Variants in C2orf68 observed in about 807,000 individuals in gnomAD.
C2orf68 encodes UPF0561 protein C2orf68.
Under a neutral mutation model 19.1 loss-of-function variants are expected in C2orf68, and 15 were observed. The observed-to-expected ratio is 0.79, with a 90% CI of 0.53 to 1.21. The LOEUF is 1.21. Ranked by LOEUF, C2orf68 falls within the 50% of genes most tolerant of loss-of-function variation. The probability of loss-of-function intolerance (pLI) is 0.00; values close to 1 mark genes in which losing one functional copy is unlikely to be tolerated. For synonymous variants in C2orf68, 98 were observed against 91.0 expected (o/e 1.08, Z -0.44); for missense variants, 242 against 226.6 (o/e 1.07, Z -0.44).
chr2:85,609,174 T>G, intron 3 of C2orf68, 107 bp from the exon 4 acceptor site: 1 of 1,456,718 alleles, frequency 6.9e-7, no homozygotes, highest in Admixed American at 2.2e-5. Flanking sequence ...CAAGGCTTTT[T>G]GCCAGCACCT....
chr2:85,609,146 A>C, intron 3 of C2orf68, 79 bp from the exon 4 acceptor site: 1 of 1,558,248 alleles, frequency 6.4e-7, no homozygotes, highest in Non-Finnish European at 8.7e-7. Flanking sequence ...AAACACTCTC[A>C]CAGAACTCCA....
chr2:85,609,161 G>A lies in C2orf68; in HGVS notation c.379-94C>T, dbSNP rs775330307. On this transcript the variant is annotated intron_variant, in intron 3 of 3. Coordinates refer to ENST00000306336, the MANE Select transcript of C2orf68 (RefSeq NM_001013649.4). ...AAACACTCTCACAGAACTCCATTTA[G>A]CTCAAGGCTTTTTGCCAGCACCTGT... 7.7e-4 allele frequency: 1,171 copies of A among 1,518,086 alleles called. 2 individuals carry two copies. The highest frequency in any genetic ancestry group is 3.2e-3 in the Middle Eastern group (16 of 4,944). The allele number at this position is 1,518,086 out of a possible 1,614,324, so 94.0% of individuals were successfully genotyped here. A position where few individuals can be genotyped will look rare whatever the true frequency, so the allele number is the denominator to read the frequency against.
At chr2:85,610,213 C>A (rs1314923808) in intron 2 of C2orf68, 1 of 152,110 alleles carries the variant, frequency 6.6e-6, no homozygotes, top group Non-Finnish European at 1.5e-5. Context: ...TGGGGTTTCA[C>A]CATGTTGTCC....
chr2:85,609,362 G>A (rs1312661674), intron 3 of C2orf68, 73 bp downstream of exon 3: 1 of 1,557,262 alleles, frequency 6.4e-7, no homozygotes, highest in African/African-American at 1.4e-5. Context: ...GAGGAAAACA[G>A]GGCTCAGGGT....
intron 2 of C2orf68, chr2:85,610,803 G>C (rs895661169): frequency 1.3e-5 from 2 of 148,754 alleles, no homozygotes; most frequent in Non-Finnish European, 3.0e-5. Context: ...GTGTTGCCCA[G>C]GCTGGAGTGC....
In C2orf68 at chr2:85,611,579, G is replaced by A. The variant is rs533742631; in HGVS notation, c.226+89C>T. 5 of 1,551,406 alleles carry A rather than the reference G, an allele frequency of 3.2e-6. No individual in the cohort carries two copies. The Admixed American group carries it at 9.8e-5, about 30-fold the overall frequency. On this transcript the variant is annotated intron_variant, in intron 2 of 3. Coordinates refer to ENST00000306336, the MANE Select transcript of C2orf68 (RefSeq NM_001013649.4). ...AGAGACGAGATGAGCTGAACCTTAG[G>A]AGTAAGAAGTGGTTTTTCCCTATAG...
chr2:85,611,811 G>C, intron 1 of C2orf68, 25 bp from the exon 2 acceptor site: 1 of 1,608,998 alleles, frequency 6.2e-7, no homozygotes, highest in Non-Finnish European at 8.5e-7. Flanking sequence ...GCGGGAGTCA[G>C]GGACTGTCGG....
chr2:85,609,439 T>G lies in C2orf68; in HGVS notation c.374A>C (p.Tyr125Ser), dbSNP rs772937056. 1.2e-6 allele frequency: 2 copies of G among 1,614,146 alleles called. No individual in the cohort carries two copies. The highest frequency in any genetic ancestry group is 1.7e-6 in the Non-Finnish European group (2 of 1,179,986). ...AGCTGTTTCCACCAGGCGTACCTGATAGACGATAACTGATGTGACCTCTCC... is the reference window on the plus strand; with the variant it reads ...AGCTGTTTCCACCAGGCGTACCTGAGAGACGATAACTGATGTGACCTCTCC... ...DSGEVTSVIV[Y>S]QGDDPGKVSE... Residue 125 changes from tyrosine (Y) to serine (S), a missense_variant, in exon 3 of 4, where the codon TAT becomes TCT. Coordinates refer to ENST00000306336, the MANE Select transcript of C2orf68 (RefSeq NM_001013649.4).
intron 2 of C2orf68, 195 bp downstream of exon 2, chr2:85,611,473 C>A: frequency 6.5e-7 from 1 of 1,548,508 alleles, no homozygotes; most frequent in Non-Finnish European, 8.7e-7. Context: ...CGATGCTTAA[C>A]TGGGGGCTTA....
At position 85,612,007 on chromosome 2, in the gene C2orf68, G is replaced by T. The variant is rs1363181211; in HGVS notation, c.-23C>A. 1 of 1,476,614 alleles carries T rather than the reference G, an allele frequency of 6.8e-7. No individual in the cohort carries two copies. Among genetic ancestry groups the T allele is most frequent in the Admixed American group, 2.5e-5 (1 of 40,292 alleles). 91.5% of individuals were successfully genotyped at this position (1,476,614 alleles called of 1,614,324 possible). A position where few individuals can be genotyped will look rare whatever the true frequency, so the allele number is the denominator to read the frequency against. On this transcript the variant is annotated 5_prime_UTR_variant, in exon 1 of 4. Transcript: ENST00000306336. ...CATCAGGAGCCGGGGACGCAGAGTC[G>T]CCGCCGCCTCGACGGCCCCAACAAC...
chr2:85,609,100 C>T (rs1673338287), intron 3 of C2orf68, 33 bp from the exon 4 acceptor site: 1 of 1,609,390 alleles, frequency 6.2e-7, no homozygotes, highest in African/African-American at 1.3e-5. Context: ...GGCTCAGGGC[C>T]TGGCCTCTTC....
At position 85,608,127 on chromosome 2, in the gene C2orf68, A is replaced by G. The variant is rs567828986; in HGVS notation, c.*818T>C. ...ACAGTCTGTTCACGGCTAGGAATCA[A>G]GTTGAAAGTTGGAATTCTGTAGCCC... On this transcript the variant is annotated 3_prime_UTR_variant, in exon 4 of 4. Coordinates refer to ENST00000306336, the MANE Select transcript of C2orf68 (RefSeq NM_001013649.4). 6.6e-6 allele frequency: 1 copy of G among 152,296 alleles called. No homozygotes were observed. Among genetic ancestry groups the G allele is most frequent in the Admixed American group, 6.5e-5 (1 of 15,288 alleles). The allele number at this position is 152,296 out of a possible 1,614,324, so 9.4% of individuals were successfully genotyped here. A position where few individuals can be genotyped will look rare whatever the true frequency, so the allele number is the denominator to read the frequency against.
At chr2:85,611,247 C>T in intron 2 of C2orf68, 1 of 1,347,270 alleles carries the variant, frequency 7.4e-7, no homozygotes, top group Non-Finnish European at 9.5e-7. Context: ...TAATGCTTAA[C>T]AAAAATTGAC....
rs1673576640 is a variant in C2orf68, at chr2:85,611,962, C to T, written c.23G>A (p.Arg8Gln). MEAGPHP[R>Q]PGHCCKPGGR... ...CCCAGGCTTGCAGCAGTGCCCCGGC[C>T]GGGGATGCGGCCCCGCCTCCATCAG... Residue 8 changes from arginine (R) to glutamine (Q), a missense_variant, in exon 1 of 4, where the codon CGG becomes CAG. Transcript: ENST00000306336. The T allele has an allele frequency of 2.6e-6, 4 of 1,536,778 alleles. No homozygotes were observed. The highest frequency in any genetic ancestry group is 2.6e-6 in the Non-Finnish European group (3 of 1,153,386).
rs781319913 is a variant in C2orf68, at chr2:85,611,827, G to A, written c.108-41C>T. On this transcript the variant is annotated intron_variant, in intron 1 of 3. Transcript: ENST00000306336. ...CGGGAGTCAGGGACTGTCGGGCCGG[G>A]CCAGGCCAGGCCAGGAGTGGTGGCG... 28 of 1,605,288 alleles carry A rather than the reference G, an allele frequency of 1.7e-5. 1 individual carries two copies. The East Asian group carries it at 5.6e-4, about 32-fold the overall frequency.
intron 3 of C2orf68, 27 bp from the exon 4 acceptor site, chr2:85,609,094 C>T (rs140476145): frequency 3.1e-6 from 5 of 1,612,514 alleles, no homozygotes; most frequent in South Asian, 1.1e-5. Flanking sequence ...TCAGAAGGCT[C>T]AGGGCCTGGC....
Position 85,607,321 on chromosome 2 carries a change from A to G in C2orf68, c.*1624T>C, listed in dbSNP as rs532901682. 20 of 152,302 alleles carry G rather than the reference A, an allele frequency of 1.3e-4. No individual in the cohort carries two copies. The highest frequency in any genetic ancestry group is 4.6e-4 in the African/African-American group (19 of 41,540). The allele number at this position is 152,302 out of a possible 1,614,324, so 9.4% of individuals were successfully genotyped here. On this transcript the variant is annotated 3_prime_UTR_variant, in exon 4 of 4. Coordinates refer to ENST00000306336, the MANE Select transcript of C2orf68 (RefSeq NM_001013649.4). ...GGTGGAGTTTGGGAGAGCCTTCTTG[A>G]CCCAGGAGGCTTTGGAGGGTAGTTA...
rs932771779 is a variant in C2orf68, at chr2:85,607,389, A to T, written c.*1556T>A. ...GCACTTCTAGCCCAGCTGCCTAAGT[A>T]GAGGACAAAGACTTTCTCCTTTCAA... On this transcript the variant is annotated 3_prime_UTR_variant, in exon 4 of 4. Transcript: ENST00000306336. The T allele has an allele frequency of 1.3e-5, 2 of 152,204 alleles. No homozygotes were observed. Among genetic ancestry groups the T allele is most frequent in the Non-Finnish European group, 2.9e-5 (2 of 68,042 alleles). The allele number at this position is 152,204 out of a possible 1,614,324, so 9.4% of individuals were successfully genotyped here. A position where few individuals can be genotyped will look rare whatever the true frequency, so the allele number is the denominator to read the frequency against.
rs941147026 is a variant in C2orf68, at chr2:85,605,936, C to T, written c.*3009G>A. ...GTACAAAAAGCTTTACATTCTTTTC[C>T]CTTTTTACATTACATTCTTCAAAGA... On this transcript the variant is annotated 3_prime_UTR_variant, in exon 4 of 4. Transcript: ENST00000306336. 6.6e-6 allele frequency among the ~76,000 whole-genome samples: 1 copy of T among 152,168 alleles called. No individual in the cohort carries two copies. Among genetic ancestry groups the T allele is most frequent in the African/African-American group, 2.4e-5 (1 of 41,428 alleles).
Sources: allele counts gnomAD v4.1 joint callset (sites outside exome capture counted in the v4.1 genomes callset), GRCh38; gene constraint gnomAD v4.1.1; transcripts MANE v1.5; gene names NCBI Gene and HGNC (gene_info 2026-07-23, HGNC 2026-07-21).